NUAK1: variants seen among roughly 807,000 people sequenced by gnomAD.
The protein encoded by NUAK1 is NUAK family kinase 1, also known as NUAK family SNF1-like kinase 1.
A neutral mutation model predicts 56.9 loss-of-function variants in NUAK1; 26 were observed. The ratio of observed to expected loss-of-function variants is 0.46; its 90% CI spans 0.33 to 0.63. The LOEUF (loss-of-function observed/expected upper bound fraction) is 0.63. NUAK1 is among the 30% of genes least tolerant of loss of function. The pLI is 0.02. For missense variants in NUAK1, 727 were observed against 876.1 expected, an observed-to-expected ratio of 0.83 and a Z score of 2.15; for synonymous variants, 337 against 336.0, an observed-to-expected ratio of 1.00 and a Z score of -0.03.
chr12:106,077,535 G>A lies in NUAK1; in HGVS notation c.580-4692C>T, dbSNP rs1192854212. Reference sequence around the variant, plus strand: ...TACCACTCATTTATAATACAGTCACGTTCAGAGTGAGAAGCTGCATCATAG... The same window carrying A: ...TACCACTCATTTATAATACAGTCACATTCAGAGTGAGAAGCTGCATCATAG... On this transcript the variant is annotated intron_variant, in intron 4 of 6. Transcript: ENST00000261402. Among the ~76,000 whole-genome samples the A allele has an allele frequency of 7.9e-5, 12 of 152,304 alleles. No homozygotes were observed. In the South Asian group the frequency reaches 1.9e-3, roughly 24 times the overall value.
chr12:106,077,379 A>G (rs188186301), intron 4 of NUAK1, among the ~76,000 whole-genome samples: 4 of 152,370 alleles, frequency 2.6e-5, no homozygotes, highest in African/African-American at 9.6e-5. Flanking sequence ...TCCTGGGACC[A>G]GCTGACGCTA....
chr12:106,085,898 G>A (rs1347160770), intron 3 of NUAK1, among the ~76,000 whole-genome samples: 1 of 152,026 alleles, frequency 6.6e-6, no homozygotes, highest in Non-Finnish European at 1.5e-5. Context: ...TTTAAAGATG[G>A]ATCTTGCTAT....
At chr12:106,110,438 C>T (rs1414051030) in intron 1 of NUAK1, among the ~76,000 whole-genome samples, 1 of 152,070 alleles carries the variant, frequency 6.6e-6, no homozygotes, top group African/African-American at 2.4e-5. Flanking sequence ...ACATAATTAC[C>T]CTCATGGCCA....
chr12:106,094,591 G>A (rs770877370), intron 2 of NUAK1, among the ~76,000 whole-genome samples: 34 of 152,212 alleles, frequency 2.2e-4, no homozygotes, highest in African/African-American at 7.5e-4. Flanking sequence ...AAATCGGTCC[G>A]AGTTGATTCA....
At chr12:106,117,871 G>A (rs1592860742) in intron 1 of NUAK1, among the ~76,000 whole-genome samples, 1 of 152,192 alleles carries the variant, frequency 6.6e-6, no homozygotes, top group Admixed American at 6.5e-5. Context: ...TGCAAGCCAG[G>A]AACTGCTGTG....
intron 3 of NUAK1, among the ~76,000 whole-genome samples, chr12:106,085,966 C>A (rs1200000809): frequency 1.3e-5 from 2 of 152,166 alleles, no homozygotes; most frequent in South Asian, 2.1e-4. Flanking sequence ...CTCAGCCTCC[C>A]AACTAGCTTG....
At chr12:106,115,219 C>T (rs1404910172) in intron 1 of NUAK1, among the ~76,000 whole-genome samples, 1 of 152,158 alleles carries the variant, frequency 6.6e-6, no homozygotes, top group Non-Finnish European at 1.5e-5. Flanking sequence ...TTGAGTTTAG[C>T]TGATCCAGGT....
At chr12:106,132,204 A>T (rs986240697) in intron 1 of NUAK1, among the ~76,000 whole-genome samples, 1 of 152,214 alleles carries the variant, frequency 6.6e-6, no homozygotes, top group African/African-American at 2.4e-5. Context: ...GTCTTTTCAG[A>T]CATTGCTCTG....
At chr12:106,075,289 A>ACG (rs2032449451) in intron 4 of NUAK1, among the ~76,000 whole-genome samples, 1 of 137,262 alleles carries the variant, frequency 7.3e-6, no homozygotes, top group African/African-American at 3.0e-5. Flanking sequence ...ATTAATCAAC[A>ACG]CACACACACA....
At position 106,117,045 on chromosome 12, in the gene NUAK1, G is replaced by T. The variant is rs1371626659; in HGVS notation, c.241-10520C>A. Among the ~76,000 whole-genome samples, 3 of 152,176 alleles carry T rather than the reference G, an allele frequency of 2.0e-5. 1 individual carries two copies. The highest frequency in any genetic ancestry group is 4.4e-5 in the Non-Finnish European group (3 of 68,038). ...AAGTTGCCTACCATCCTACTGGAAA[G>T]GCCAGTAGACACAGGGGCTCCTCCC... On this transcript the variant is annotated intron_variant, in intron 1 of 6. Transcript: ENST00000261402.
chr12:106,096,538 C>T (rs1428103196), intron 2 of NUAK1, among the ~76,000 whole-genome samples: 1 of 152,186 alleles, frequency 6.6e-6, no homozygotes, highest in Non-Finnish European at 1.5e-5. Context: ...ACGTGTGAAT[C>T]TGGCGGCAGA....
intron 6 of NUAK1, among the ~76,000 whole-genome samples, chr12:106,069,896 T>C (rs1187928075): frequency 6.6e-6 from 1 of 152,178 alleles, no homozygotes; most frequent in Non-Finnish European, 1.5e-5. Flanking sequence ...GTACACACTC[T>C]CTATACAGGC....
rs142220131 is a variant in NUAK1 at position 106,106,530 on chromosome 12, A to G, written c.241-5T>C. 1,077 of 1,609,688 alleles carry G rather than the reference A, an allele frequency of 6.7e-4. 7 individuals carry two copies. In the Admixed American group the frequency reaches 9.0e-3, roughly 13 times the overall value. Reference sequence around the variant, plus strand: ...ACGAATGGATTTTATAGCAACCTATAAAGTCAGGAAATGAAATGTTATTCA... The same window carrying G: ...ACGAATGGATTTTATAGCAACCTATGAAGTCAGGAAATGAAATGTTATTCA... On this transcript the variant is annotated splice_region_variant and splice_polypyrimidine_tract_variant and intron_variant, in intron 1 of 6. Transcript: ENST00000261402.
chr12:106,077,450 C>T (rs1003821898), intron 4 of NUAK1, among the ~76,000 whole-genome samples: 1 of 152,194 alleles, frequency 6.6e-6, no homozygotes, highest in Non-Finnish European at 1.5e-5. Context: ...GTTTGTTAGA[C>T]CAGGCAAACA....
rs554595011 is a variant in NUAK1 at position 106,121,236 on chromosome 12, C to T, written c.241-14711G>A. Reference sequence around the variant, plus strand: ...GGTTTCTTTAACCCTAAAGTGAGGACGATCATCACTCCCCGTCACAGAGTT... The same window carrying T: ...GGTTTCTTTAACCCTAAAGTGAGGATGATCATCACTCCCCGTCACAGAGTT... On this transcript the variant is annotated intron_variant, in intron 1 of 6. Coordinates refer to ENST00000261402, the MANE Select transcript of NUAK1 (RefSeq NM_014840.3). Among the ~76,000 whole-genome samples the T allele has an allele frequency of 7.0e-4, 107 of 152,230 alleles. No homozygotes were observed. In the Middle Eastern group the frequency reaches 0.01, roughly 15 times the overall value.
At chr12:106,072,691 C>T (rs1441884125) in intron 5 of NUAK1, 33 bp downstream of exon 5, 1 of 1,607,414 alleles carries the variant, frequency 6.2e-7, no homozygotes, top group South Asian at 1.1e-5. Flanking sequence ...CCCTCCCCTC[C>T]CCTGCCCCAT....
chr12:106,138,268 A>T lies in NUAK1; in HGVS notation c.240+146T>A. The T allele has an allele frequency of 9.4e-7, 1 of 1,062,584 alleles. No homozygotes were observed. The highest frequency in any genetic ancestry group is 1.3e-6 in the Non-Finnish European group (1 of 762,340). The allele number at this position is 1,062,584 out of a possible 1,614,324, so 65.8% of individuals were successfully genotyped here. On this transcript the variant is annotated intron_variant, in intron 1 of 6. Coordinates refer to ENST00000261402, the MANE Select transcript of NUAK1 (RefSeq NM_014840.3). The surrounding 1 kb of genome is among the most constrained non-coding windows in gnomAD (Gnocchi z 5.0). ...CTGAGTCACGGGGTGCTGGAGAAAG[A>T]GTGAGGAGTCTGTCTCGGGGCTTCC...
intron 2 of NUAK1, among the ~76,000 whole-genome samples, chr12:106,099,957 A>AT (rs1420747672): frequency 2.7e-5 from 4 of 150,296 alleles, no homozygotes; most frequent in Non-Finnish European, 4.4e-5. Context: ...CGTCCAGCTA[A>AT]TTTTTTGTAT....
At chr12:106,083,513 TAGC>T (rs766982266) in intron 4 of NUAK1, among the ~76,000 whole-genome samples, 71 of 152,218 alleles carry the variant, frequency 4.7e-4, no homozygotes, top group Non-Finnish European at 7.5e-4. Context: ...ATTTAAGTGA[TAGC>T]AGGCAAAAAT....
Sources: allele counts gnomAD v4.1 joint callset (sites outside exome capture counted in the v4.1 genomes callset), GRCh38; gene constraint gnomAD v4.1.1; non-coding constraint Gnocchi (gnomAD v3.1); transcripts MANE v1.5; gene names NCBI Gene and HGNC (gene_info 2026-07-23, HGNC 2026-07-21).